The following CCHCR1 variants were observed in gnomAD, a reference collection of about 807,000 sequenced individuals.
CCHCR1 encodes HCR (a-helix coiled-coil rod homologue).
In CCHCR1, 91 loss-of-function variants were observed where a neutral mutation model predicts 114.6. The ratio of observed to expected loss-of-function variants is 0.79; its 90% CI spans 0.67 to 0.94. CCHCR1 has a LOEUF of 0.94. Ranked by LOEUF, CCHCR1 falls within the 40% of genes least tolerant of loss-of-function variation. The pLI, the probability that CCHCR1 is intolerant of heterozygous loss-of-function variation, is 0.00. For missense variants in CCHCR1, 899 were observed against 1,079.9 expected, an observed-to-expected ratio of 0.83 and a Z score of 2.35; for synonymous variants, 379 against 428.5, an observed-to-expected ratio of 0.88 and a Z score of 1.43.
chr6:31,154,168 A>G lies in CCHCR1; in HGVS notation c.801+328T>C, dbSNP rs3094662. The stretch of plus-strand genomic sequence containing the variant: ...AGTCCACCATAGCCCCCTTATACCC[A>G]CCTTCCTCACTGCCCTCCACAATAC... On this transcript the variant is annotated intron_variant, in intron 4 of 17. Coordinates refer to ENST00000396268, the MANE Select transcript of CCHCR1 (RefSeq NM_001105564.2). This position sits in a 1 kb window ranked among gnomAD's most constrained non-coding sequence, Gnocchi z 4.1. Among the ~76,000 whole-genome samples, 2 of 151,738 alleles carry G rather than the reference A, an allele frequency of 1.3e-5. No homozygotes were observed. Among genetic ancestry groups the G allele is most frequent in the African/African-American group, 2.4e-5 (1 of 41,250 alleles).
intron 11 of CCHCR1, 78 bp downstream of exon 11, chr6:31,145,616 CAG>C (rs1302817086): frequency 6.3e-6 from 9 of 1,427,088 alleles, no homozygotes; most frequent in South Asian, 2.3e-5. Flanking sequence ...GATGTGGGAT[CAG>C]AGAGAGCTGG....
Position 31,157,380 on chromosome 6 carries a change from T to C in CCHCR1, c.216+5A>G. On this transcript the variant is annotated splice_donor_5th_base_variant and intron_variant, in intron 1 of 17. Transcript: ENST00000396268. ...TACTTTCAGGATTCTGGGCAGTGCCTCTACCCTCCTCCTTAAGTTTCTATG... is the reference window on the plus strand; with the variant it reads ...TACTTTCAGGATTCTGGGCAGTGCCCCTACCCTCCTCCTTAAGTTTCTATG... The C allele has an allele frequency of 6.2e-7, 1 of 1,609,170 alleles. No homozygotes were observed. Among genetic ancestry groups the C allele is most frequent in the Non-Finnish European group, 8.5e-7 (1 of 1,176,500 alleles).
In CCHCR1 at chr6:31,148,417, T is replaced by C. The variant is rs371580840; in HGVS notation, c.1568A>G (p.Asn523Ser). Reference sequence around the variant, plus strand: ...CCATCCCTGATACCTGCTGACAGCATTGACCACAAGCCTCAGCTGCTCCTC... The same window carrying C: ...CCATCCCTGATACCTGCTGACAGCACTGACCACAAGCCTCAGCTGCTCCTC... ...SAEEQLRLVV[N>S]AVSSSQIWLE... The change falls in exon 10 of 18, where the codon AAT (asparagine) becomes AGT (serine). Residue 523 changes from asparagine to serine, a missense_variant. Transcript: ENST00000396268. 1.1e-5 allele frequency: 17 copies of C among 1,602,358 alleles called. No individual in the cohort carries two copies. In the African/African-American group the frequency reaches 1.2e-4, roughly 11 times the overall value.
At position 31,154,585 on chromosome 6, in the gene CCHCR1, C is replaced by T; in HGVS notation, c.712G>A (p.Ala238Thr). The T allele has an allele frequency of 6.2e-7, 1 of 1,613,096 alleles. No individual in the cohort carries two copies. Among genetic ancestry groups the T allele is most frequent in the Non-Finnish European group, 8.5e-7 (1 of 1,180,012 alleles). Residue 238 changes from alanine (A) to threonine (T), a missense_variant, in exon 4 of 18, where the codon GCT (alanine) becomes ACT (threonine). Ala to Thr is a moderately conservative substitution (Grantham distance 58). Transcript: ENST00000396268. The surrounding 1 kb of genome is among the most constrained non-coding windows in gnomAD (Gnocchi z 4.1). ...CGGACAACCTCAGCCCCAGCCAAAG[C>T]AGCACGCAGGCCCTCAGCCTCAGCT... ...GRAEAEGLRAALAGAEVVRKN... is the reference protein window; with the variant it reads ...GRAEAEGLRATLAGAEVVRKN...
Position 31,147,409 on chromosome 6 carries a change from A to T in CCHCR1, c.1580+996T>A, listed in dbSNP as rs916456709. Among the ~76,000 whole-genome samples, 356 of 78,168 alleles carry T rather than the reference A, an allele frequency of 4.6e-3. 3 individuals are homozygous for T. The highest frequency in any genetic ancestry group is 0.014 in the African/African-American group (335 of 24,418). The allele number at this position is 78,168 out of a possible 152,430, so 51.3% of individuals were successfully genotyped here. ...TGCGAGACTCTGTCTCAAAAAAAAA[A>T]AAAAAAAAAAAAAGAACTACCTGCC... On this transcript the variant is annotated intron_variant, in intron 10 of 17. Coordinates refer to ENST00000396268, the MANE Select transcript of CCHCR1 (RefSeq NM_001105564.2).
At chr6:31,152,156 G>A (rs1010517562) in intron 4 of CCHCR1, among the ~76,000 whole-genome samples, 6 of 151,714 alleles carry the variant, frequency 4.0e-5, no homozygotes, top group African/African-American at 1.2e-4. Context: ...TTAGCTGGGC[G>A]TGGTGGCGGG....
chr6:31,158,001 G>A (rs1776344006), upstream of CCHCR1: 1 of 258,294 alleles, frequency 3.9e-6, no homozygotes, highest in Non-Finnish European at 7.6e-6. Flanking sequence ...CTAGATACCC[G>A]AGGCTTCACC....
At chr6:31,142,857 G>C in intron 17 of CCHCR1, 106 bp downstream of exon 17, 1 of 1,483,502 alleles carries the variant, frequency 6.7e-7, no homozygotes, top group Non-Finnish European at 9.2e-7. Flanking sequence ...AGAGGCTAAG[G>C]GCCTCGAAGG....
At chr6:31,146,299 C>T (rs1303721366) in intron 10 of CCHCR1, among the ~76,000 whole-genome samples, 2 of 152,108 alleles carry the variant, frequency 1.3e-5, no homozygotes, top group Non-Finnish European at 2.9e-5. Flanking sequence ...GAGCCAAGAT[C>T]GCACCCCTGC....
rs367869728 is a variant in CCHCR1, at chr6:31,154,478, T to C, written c.801+18A>G. On this transcript the variant is annotated intron_variant, in intron 4 of 17. Transcript: ENST00000396268. This position sits in a 1 kb window ranked among gnomAD's most constrained non-coding sequence, Gnocchi z 4.1. ...GCTCTCCGTTATGAATTTGAATCCTTTCTACCCCTGCATTCACCTGCTCTT... is the reference window on the plus strand; with the variant it reads ...GCTCTCCGTTATGAATTTGAATCCTCTCTACCCCTGCATTCACCTGCTCTT... 3.8e-6 allele frequency: 6 copies of C among 1,594,972 alleles called. No individual in the cohort carries two copies. In the African/African-American group the frequency reaches 8.1e-5, roughly 21 times the overall value.
At chr6:31,152,812 A>G (rs962841426) in intron 4 of CCHCR1, among the ~76,000 whole-genome samples, 1 of 151,750 alleles carries the variant, frequency 6.6e-6, no homozygotes, top group African/African-American at 2.4e-5. Flanking sequence ...CAAGTTCTGA[A>G]GTGGCCAAAG....
intron 10 of CCHCR1, among the ~76,000 whole-genome samples, chr6:31,146,460 C>A (rs1380242969): frequency 1.3e-5 from 2 of 152,208 alleles, no homozygotes; most frequent in South Asian, 2.1e-4. Context: ...TAGGACCAAC[C>A]TGGCTCATGA....
chr6:31,155,377 G>A (rs1775843509), intron 3 of CCHCR1, among the ~76,000 whole-genome samples: 1 of 152,068 alleles, frequency 6.6e-6, no homozygotes, highest in African/African-American at 2.4e-5. Context: ...GGCCGAGGCG[G>A]GCGGATCACG....
At position 31,142,492 on chromosome 6, in the gene CCHCR1, C is replaced by G. The variant is rs1773677144; in HGVS notation, c.*100G>C. 1.7e-6 allele frequency: 2 copies of G among 1,160,392 alleles called. No homozygotes were observed. Among genetic ancestry groups the G allele is most frequent in the African/African-American group, 1.5e-5 (1 of 65,692 alleles). The allele number at this position is 1,160,392 out of a possible 1,614,324, so 71.9% of individuals were successfully genotyped here. ...AGAATTCAGACTCAGCTGGTATCCC[C>G]CAGGGCAACCCCAGGATGGGGAAGG... On this transcript the variant is annotated 3_prime_UTR_variant, in exon 18 of 18. Coordinates refer to ENST00000396268, the MANE Select transcript of CCHCR1 (RefSeq NM_001105564.2).
rs751158112 is a variant in CCHCR1, at chr6:31,156,871, G to A, written c.357C>T (p.Thr119=). The change falls in exon 3 of 18, where the codon ACC becomes ACT. Residue 119 remains threonine (T), a synonymous_variant. Coordinates refer to ENST00000396268, the MANE Select transcript of CCHCR1 (RefSeq NM_001105564.2). ...PLSTLPRMAP[T]WLSDIPLVQP... The stretch of plus-strand genomic sequence containing the variant: ...GGACCAGGGGAATGTCTGAGAGCCA[G>A]GTGGGAGCCATTCTTGGCAGAGTTG... 26 of 1,612,878 alleles carry A rather than the reference G, an allele frequency of 1.6e-5. No individual in the cohort carries two copies. Among genetic ancestry groups the A allele is most frequent in the Non-Finnish European group, 2.2e-5 (26 of 1,180,044 alleles).
At position 31,150,688 on chromosome 6, in the gene CCHCR1, C is replaced by T. The variant is rs1271136710; in HGVS notation, c.1101+37G>A. ...GCCACGCTTGCCTCCCAACCTGATCCCTAAGTCTGCACACAGATACATTCC... is the reference window on the plus strand; with the variant it reads ...GCCACGCTTGCCTCCCAACCTGATCTCTAAGTCTGCACACAGATACATTCC... On this transcript the variant is annotated intron_variant, in intron 6 of 17. Coordinates refer to ENST00000396268, the MANE Select transcript of CCHCR1 (RefSeq NM_001105564.2). This position sits in a 1 kb window ranked among gnomAD's most constrained non-coding sequence, Gnocchi z 5.3. 1 of 1,606,296 alleles carries T rather than the reference C, an allele frequency of 6.2e-7. No individual in the cohort carries two copies. Among genetic ancestry groups the T allele is most frequent in the African/African-American group, 1.3e-5 (1 of 74,780 alleles).
chr6:31,147,216 C>T (rs1359362537), intron 10 of CCHCR1, among the ~76,000 whole-genome samples: 2 of 151,806 alleles, frequency 1.3e-5, no homozygotes, highest in Admixed American at 1.3e-4. Flanking sequence ...CTGGCCAACA[C>T]AGTGAAACCC....
Position 31,156,853 on chromosome 6 carries a change from G to A in CCHCR1, c.375C>T (p.Pro125=). ...CTTGATGGCCTGGGGGTTGGACCAGGGGAATGTCTGAGAGCCAGGTGGGAG... is the reference window on the plus strand; with the variant it reads ...CTTGATGGCCTGGGGGTTGGACCAGAGGAATGTCTGAGAGCCAGGTGGGAG... ...RMAPTWLSDI[P]LVQPPGHQDV... is the part of the protein sequence containing the mutation. Residue 125 remains proline, a synonymous_variant, in exon 3 of 18, where the codon CCC becomes CCT. Coordinates refer to ENST00000396268, the MANE Select transcript of CCHCR1 (RefSeq NM_001105564.2). 1.2e-6 allele frequency: 2 copies of A among 1,612,972 alleles called. No homozygotes were observed. The highest frequency in any genetic ancestry group is 1.7e-6 in the Non-Finnish European group (2 of 1,180,034).
chr6:31,152,867 T>C (rs531890759), intron 4 of CCHCR1, among the ~76,000 whole-genome samples: 141 of 152,274 alleles, frequency 9.3e-4, no homozygotes, highest in African/African-American at 3.3e-3. Context: ...TCAGTGCCCC[T>C]CATCTCTGTG....
Sources: allele counts gnomAD v4.1 joint callset (sites outside exome capture counted in the v4.1 genomes callset), GRCh38; gene constraint gnomAD v4.1.1; non-coding constraint Gnocchi (gnomAD v3.1); transcripts MANE v1.5; gene names NCBI Gene and HGNC (gene_info 2026-07-23, HGNC 2026-07-21).